Variants in AKR1C8 observed in about 807,000 individuals in gnomAD.
AKR1C8 encodes the protein aldo-keto reductase family 1 member C-like protein 1.
chr10:5,119,101 C>T, the AKR1C8 span, among the ~76,000 whole-genome samples: 1 of 152,206 alleles, frequency 6.6e-6, no homozygotes, highest in African/African-American at 2.4e-5. Flanking sequence ...TCTACATCCT[C>T]TACCAGACTA....
At chr10:5,140,447 C>G in the AKR1C8 span, among the ~76,000 whole-genome samples, 1 of 152,230 alleles carries the variant, frequency 6.6e-6, no homozygotes, top group East Asian at 1.9e-4. Context: ...CACATATACA[C>G]CATGGAATAC....
chr10:5,180,542 C>T, the AKR1C8 span, among the ~76,000 whole-genome samples: 1 of 152,206 alleles, frequency 6.6e-6, no homozygotes, highest in East Asian at 1.9e-4. Context: ...GCAGAGGTTA[C>T]TGCTGTCTTT....
the AKR1C8 span, among the ~76,000 whole-genome samples, chr10:5,116,474 C>G: frequency 6.6e-6 from 1 of 152,090 alleles, no homozygotes; most frequent in African/African-American, 2.4e-5. Context: ...ACCGTGAATC[C>G]TGGCTATGAG....
the AKR1C8 span, chr10:5,132,755 T>C: frequency 6.9e-7 from 1 of 1,451,556 alleles, no homozygotes; most frequent in Admixed American, 1.8e-5. Context: ...CCTCCACAAC[T>C]CTATTCCTAG....
the AKR1C8 span, among the ~76,000 whole-genome samples, chr10:5,129,097 G>A: frequency 1.3e-5 from 2 of 151,994 alleles, no homozygotes; most frequent in African/African-American, 2.4e-5. Flanking sequence ...GAACACAGTG[G>A]AATAAAACTA....
At chr10:5,169,366 T>G in the AKR1C8 span, among the ~76,000 whole-genome samples, 1 of 152,180 alleles carries the variant, frequency 6.6e-6, no homozygotes, top group Non-Finnish European at 1.5e-5. Context: ...TTTCTTGGTG[T>G]TGGATTGATT....
At chr10:5,149,261 C>G in the AKR1C8 span, among the ~76,000 whole-genome samples, 1 of 152,036 alleles carries the variant, frequency 6.6e-6, no homozygotes, top group Non-Finnish European at 1.5e-5. Context: ...TCTTTTGAAA[C>G]ATACTTTTTC....
the AKR1C8 span, among the ~76,000 whole-genome samples, chr10:5,170,953 A>G: frequency 6.6e-6 from 1 of 152,174 alleles, no homozygotes; most frequent in African/African-American, 2.4e-5. Context: ...GGAGTAAACT[A>G]AATTGTTAAA....
chr10:5,175,204 C>T, the AKR1C8 span, among the ~76,000 whole-genome samples: 1 of 150,560 alleles, frequency 6.6e-6, no homozygotes, highest in Non-Finnish European at 1.5e-5. Flanking sequence ...CAATTCCCAC[C>T]TATGACTGAG....
chr10:5,181,354 A>G, the AKR1C8 span, among the ~76,000 whole-genome samples: 4 of 152,356 alleles, frequency 2.6e-5, no homozygotes, highest in East Asian at 7.7e-4. Context: ...ATAAAGACTA[A>G]TAAAAAGTTT....
At chr10:5,143,240 C>T in the AKR1C8 span, among the ~76,000 whole-genome samples, 1 of 152,156 alleles carries the variant, frequency 6.6e-6, no homozygotes, top group Non-Finnish European at 1.5e-5. Context: ...CTTGCTCTCT[C>T]TCTCCTGAAG....
At chr10:5,144,502 A>G in the AKR1C8 span, among the ~76,000 whole-genome samples, 2 of 151,362 alleles carry the variant, frequency 1.3e-5, no homozygotes, top group African/African-American at 4.9e-5. Flanking sequence ...CTTCCTACCC[A>G]TGAGCATGGA....
chr10:5,129,461 C>T, the AKR1C8 span, among the ~76,000 whole-genome samples: 2 of 151,806 alleles, frequency 1.3e-5, no homozygotes, highest in African/African-American at 4.8e-5. Flanking sequence ...AACACCCCCA[C>T]AAAAGATCAA....
At chr10:5,150,612 A>G in the AKR1C8 span, among the ~76,000 whole-genome samples, 5 of 152,148 alleles carry the variant, frequency 3.3e-5, no homozygotes, top group Non-Finnish European at 2.9e-5. Flanking sequence ...AAAAAAGACT[A>G]AATGTGTAAC....
the AKR1C8 span, among the ~76,000 whole-genome samples, chr10:5,184,002 G>T: frequency 6.6e-6 from 1 of 152,160 alleles, no homozygotes; most frequent in Non-Finnish European, 1.5e-5. Flanking sequence ...AGTGGGCTCT[G>T]GTGGGCACTT....
the AKR1C8 span, among the ~76,000 whole-genome samples, chr10:5,146,168 A>T: frequency 1.6e-4 from 21 of 129,630 alleles, no homozygotes; most frequent in East Asian, 5.0e-3. Context: ...TGGACACAGG[A>T]AGGGGAACAT....
At chr10:5,160,877 A>G in the AKR1C8 span, 1 of 471,006 alleles carries the variant, frequency 2.1e-6, no homozygotes, top group Non-Finnish European at 4.4e-6. Flanking sequence ...TTTGGCAGTA[A>G]TTCTTTCCCA....
chr10:5,124,328 A>G, the AKR1C8 span, among the ~76,000 whole-genome samples: 5 of 152,202 alleles, frequency 3.3e-5, no homozygotes, highest in Non-Finnish European at 5.9e-5. Context: ...ATGAGAGATT[A>G]AAAGAGAGAG....
At chr10:5,172,230 C>A in the AKR1C8 span, among the ~76,000 whole-genome samples, 1 of 152,046 alleles carries the variant, frequency 6.6e-6, no homozygotes, top group Non-Finnish European at 1.5e-5. Flanking sequence ...TGCATAAATT[C>A]TCTTTTATAA....
Sources: gnomAD v4.1 joint callset for allele counts (sites outside exome capture counted in the v4.1 genomes callset) on GRCh38, gnomAD v4.1.1 for gene constraint, MANE v1.5 for transcripts, NCBI Gene and HGNC (gene_info 2026-07-23, HGNC 2026-07-21) for gene names.